The following DISC1 variants were observed in gnomAD, a reference collection of about 807,000 sequenced individuals.
The protein encoded by DISC1 is disrupted in schizophrenia 1 protein.
Under a neutral mutation model 84.5 loss-of-function variants are expected in DISC1, and 57 were observed. The ratio of observed to expected loss-of-function variants is 0.67; its 90% CI spans 0.55 to 0.84. The LOEUF is 0.84. Among genes scored for constraint, DISC1 ranks in the 40% least tolerant of loss-of-function variants. DISC1 has a pLI of 0.00. For missense variants in DISC1, 1,000 were observed against 1,057.8 expected, an observed-to-expected ratio of 0.95 and a Z score of 0.76; for synonymous variants, 411 against 415.2, an observed-to-expected ratio of 0.99 and a Z score of 0.12.
chr1:231,978,369 C>T (rs1000142637), intron 10 of DISC1, among the ~76,000 whole-genome samples: 1 of 152,120 alleles, frequency 6.6e-6, no homozygotes, highest in African/African-American at 2.4e-5. Flanking sequence ...ACGACATAGT[C>T]ATAATCTAAT....
intron 9 of DISC1, among the ~76,000 whole-genome samples, chr1:231,840,689 T>C (rs549676303): frequency 1.3e-5 from 2 of 150,382 alleles, no homozygotes; most frequent in East Asian, 3.9e-4. Flanking sequence ...TGGTTTTGTT[T>C]TTATTTGTTT....
chr1:231,985,387 T>A (rs1157303123), intron 10 of DISC1, among the ~76,000 whole-genome samples: 1 of 148,986 alleles, frequency 6.7e-6, no homozygotes, highest in African/African-American at 2.5e-5. Context: ...CCCTTCAGTG[T>A]GTTATTATGC....
chr1:232,007,818 A>G (rs962306297), intron 10 of DISC1, among the ~76,000 whole-genome samples: 1 of 152,218 alleles, frequency 6.6e-6, no homozygotes, highest in African/African-American at 2.4e-5. Context: ...CCCAAATTTC[A>G]TCTTGAATTG....
At chr1:231,949,371 G>C (rs1387060811) in intron 9 of DISC1, among the ~76,000 whole-genome samples, 1 of 152,200 alleles carries the variant, frequency 6.6e-6, no homozygotes, top group Non-Finnish European at 1.5e-5. Flanking sequence ...GCCGGTGCCT[G>C]GATGTGGACA....
chr1:231,626,851 A>C lies in DISC1; in HGVS notation c.-17A>C. On this transcript the variant is annotated 5_prime_UTR_variant, in exon 1 of 13. Coordinates refer to ENST00000439617, the MANE Select transcript of DISC1 (RefSeq NM_018662.3). ...GAGGCAGCCCAGGCGGAGCGGGAGG[A>C]GCTGGCAGCGGGGCGCATGCCAGGC... The C allele has an allele frequency of 6.9e-7, 1 of 1,440,664 alleles. No homozygotes were observed. The highest frequency in any genetic ancestry group is 9.0e-7 in the Non-Finnish European group (1 of 1,108,926). 89.2% of individuals were successfully genotyped at this position (1,440,664 alleles called of 1,614,324 possible).
intron 9 of DISC1, among the ~76,000 whole-genome samples, chr1:231,827,855 C>T (rs1000730): frequency 0.36 from 54,249 of 151,876 alleles, 9,959 homozygotes; most frequent in Admixed American, 0.46. Context: ...TATTTATGGC[C>T]GGTACAGAAA....
chr1:232,007,842 C>T (rs969758515), intron 10 of DISC1, among the ~76,000 whole-genome samples: 1 of 152,134 alleles, frequency 6.6e-6, no homozygotes, highest in Non-Finnish European at 1.5e-5. Flanking sequence ...TCCCCATAAT[C>T]CCCAAATGTT....
chr1:231,714,363 T>A lies in DISC1; in HGVS notation c.1117+12339T>A, dbSNP rs112322636. ...AATGGGAGAAAATAGTTCTTTCAAC[T>A]GATGGTGCTGGGGCAACTGGATTTT... On this transcript the variant is annotated intron_variant, in intron 3 of 12. Transcript: ENST00000439617. Among the ~76,000 whole-genome samples, 234 of 152,298 alleles carry A rather than the reference T, an allele frequency of 1.5e-3. 1 individual carries two copies. The highest frequency in any genetic ancestry group is 9.7e-3 in the East Asian group (50 of 5,176).
At position 232,016,854 on chromosome 1, in the gene DISC1, G is replaced by A. The variant is rs116661310; in HGVS notation, c.2307+7805G>A. Among the ~76,000 whole-genome samples the A allele has an allele frequency of 3.8e-3, 572 of 152,220 alleles. 3 individuals are homozygous for A. The highest frequency in any genetic ancestry group is 0.013 in the African/African-American group (531 of 41,530). On this transcript the variant is annotated intron_variant, in intron 11 of 12. Coordinates refer to ENST00000439617, the MANE Select transcript of DISC1 (RefSeq NM_018662.3). ...ATCTGGATGCTTTTAAAAGAAATAC[G>A]CAGTTACTCAGGGAGTAACCGTATA...
intron 12 of DISC1, among the ~76,000 whole-genome samples, chr1:232,027,487 G>A (rs1267362112): frequency 3.3e-5 from 5 of 151,994 alleles, no homozygotes; most frequent in Admixed American, 6.6e-5. Flanking sequence ...ACTGGCTTAG[G>A]TATGCATCCG....
At chr1:231,866,399 A>C (rs929975121) in intron 9 of DISC1, 6 of 654,322 alleles carry the variant, frequency 9.2e-6, no homozygotes, top group Non-Finnish European at 1.4e-5. Context: ...TCAAGCAGAA[A>C]TGTAACAATT....
intron 9 of DISC1, among the ~76,000 whole-genome samples, chr1:231,877,844 C>T (rs979318231): frequency 2.6e-5 from 4 of 152,018 alleles, no homozygotes; most frequent in Non-Finnish European, 5.9e-5. Context: ...CAGCTTATTT[C>T]GACTGAACAG....
At chr1:231,793,568 A>G (rs1383656388) in intron 6 of DISC1, among the ~76,000 whole-genome samples, 2 of 152,168 alleles carry the variant, frequency 1.3e-5, no homozygotes, top group South Asian at 2.1e-4. Flanking sequence ...TGCGGGGCCC[A>G]TGGACCCCAT....
intron 11 of DISC1, among the ~76,000 whole-genome samples, chr1:232,026,206 C>A (rs1346795593): frequency 6.6e-6 from 1 of 152,092 alleles, no homozygotes; most frequent in African/African-American, 2.4e-5. Context: ...TTTGAAATGA[C>A]CAGACAAGGG....
At chr1:231,780,356 G>A (rs529201012) in intron 6 of DISC1, among the ~76,000 whole-genome samples, 8 of 152,000 alleles carry the variant, frequency 5.3e-5, no homozygotes, top group Non-Finnish European at 8.8e-5. Context: ...CTCAAGGGAG[G>A]AATTCTGTTT....
chr1:231,955,733 G>A (rs370004020), intron 9 of DISC1, among the ~76,000 whole-genome samples: 46 of 151,956 alleles, frequency 3.0e-4, no homozygotes, highest in Middle Eastern at 3.4e-3. Context: ...CAGGTGATCC[G>A]CCCACCTCAG....
intron 9 of DISC1, among the ~76,000 whole-genome samples, chr1:231,827,203 G>T (rs1300963926): frequency 6.6e-6 from 1 of 152,056 alleles, no homozygotes; most frequent in Non-Finnish European, 1.5e-5. Context: ...GGCCAGGCTG[G>T]TCTTGAACTC....
chr1:231,895,274 A>G (rs542641454), intron 9 of DISC1, among the ~76,000 whole-genome samples: 1 of 151,600 alleles, frequency 6.6e-6, no homozygotes, highest in Non-Finnish European at 1.5e-5. Context: ...ATTCCACTTT[A>G]TGTGTAAGTA....
intron 1 of DISC1, among the ~76,000 whole-genome samples, chr1:231,676,251 T>C (rs1342976443): frequency 6.6e-6 from 1 of 152,272 alleles, no homozygotes; most frequent in African/African-American, 2.4e-5. Flanking sequence ...GGAACATTTT[T>C]AGGTCCCGAT....
Sources: allele counts gnomAD v4.1 joint callset (sites outside exome capture counted in the v4.1 genomes callset), GRCh38; gene constraint gnomAD v4.1.1; transcripts MANE v1.5; gene names NCBI Gene and HGNC (gene_info 2026-07-23, HGNC 2026-07-21).